The following KIRREL3 variants were observed in gnomAD, a reference collection of about 807,000 sequenced individuals.
The protein encoded by KIRREL3 is kirre like nephrin family adhesion molecule 3.
A neutral mutation model predicts 89.7 loss-of-function variants in KIRREL3; 36 were observed. That is an observed-to-expected ratio of 0.40 (90% CI 0.31 to 0.53). The LOEUF is 0.53. Among genes scored for constraint, KIRREL3 ranks in the 20% least tolerant of loss-of-function variants. The pLI is 0.49. For missense variants in KIRREL3, 864 were observed against 1,056.6 expected (o/e 0.82, Z 2.53); for synonymous variants, 445 against 441.4 (o/e 1.01, Z -0.10).
chr11:126,906,287 C>A lies in KIRREL3; in HGVS notation c.55+94168G>T, dbSNP rs1046497035. 5.3e-5 allele frequency among the ~76,000 whole-genome samples: 8 copies of A among 152,156 alleles called. No homozygotes were observed. Among genetic ancestry groups the A allele is most frequent in the East Asian group, 1.9e-4 (1 of 5,196 alleles). On this transcript the variant is annotated intron_variant, in intron 1 of 16. Coordinates refer to ENST00000525144, the MANE Select transcript of KIRREL3 (RefSeq NM_032531.4). The surrounding 1 kb of genome is among the most constrained non-coding windows in gnomAD (Gnocchi z 4.1). The stretch of plus-strand genomic sequence containing the variant: ...CAGTCTCGGAAATCCAAACCTCACG[C>A]CTTGTGTGACTGATGAGCCACTTTT...
chr11:126,923,168 TTCTTCTTC>T (rs1246187580), intron 1 of KIRREL3, among the ~76,000 whole-genome samples: 361 of 24,050 alleles, frequency 0.015, 86 homozygotes, highest in Middle Eastern at 0.083. Context: ...CTTCTTCTTC[TTCTTCTTC>T]TCTTCTTCTT....
At chr11:126,675,565 G>C (rs1238427523) in intron 1 of KIRREL3, among the ~76,000 whole-genome samples, 1 of 152,196 alleles carries the variant, frequency 6.6e-6, no homozygotes, top group Non-Finnish European at 1.5e-5. Flanking sequence ...GGATCTGGGG[G>C]TGGTGGAGAC....
rs186749628 is a variant in KIRREL3, at chr11:126,741,142, G to A, written c.56-178230C>T. 2.7e-4 allele frequency among the ~76,000 whole-genome samples: 41 copies of A among 152,254 alleles called. 2 individuals are homozygous for A. The highest frequency in any genetic ancestry group is 2.5e-3 in the Admixed American group (39 of 15,298). Reference sequence around the variant, plus strand: ...CAGACTCTCCTTTCCTATGCAGAGGGCTCTTGTCACTTTGTTAATTTCTTT... The same window carrying A: ...CAGACTCTCCTTTCCTATGCAGAGGACTCTTGTCACTTTGTTAATTTCTTT... On this transcript the variant is annotated intron_variant, in intron 1 of 16. Transcript: ENST00000525144.
rs1401108023 is a variant in KIRREL3 at position 126,773,882 on chromosome 11, C to G, written c.56-210970G>C. Among the ~76,000 whole-genome samples the G allele has an allele frequency of 6.6e-6, 1 of 152,190 alleles. No individual in the cohort carries two copies. On this transcript the variant is annotated intron_variant, in intron 1 of 16. Coordinates refer to ENST00000525144, the MANE Select transcript of KIRREL3 (RefSeq NM_032531.4). The surrounding 1 kb of genome is among the most constrained non-coding windows in gnomAD (Gnocchi z 4.2). ...CTGGGACTTTTAAAAGTGCAAACAG[C>G]AGAACACACCCCAGGGAGGTGAGGA...
chr11:126,718,885 C>T (rs1948067181), intron 1 of KIRREL3, among the ~76,000 whole-genome samples: 1 of 152,308 alleles, frequency 6.6e-6, no homozygotes, highest in African/African-American at 2.4e-5. Context: ...CCAAGCCCTC[C>T]TCTCTGATGC....
intron 1 of KIRREL3, among the ~76,000 whole-genome samples, chr11:126,928,780 G>A (rs1412048857): frequency 6.6e-6 from 1 of 152,112 alleles, no homozygotes; most frequent in Non-Finnish European, 1.5e-5. Context: ...TTGGTTTGGA[G>A]GCAGAAGAGG....
intron 1 of KIRREL3, among the ~76,000 whole-genome samples, chr11:126,784,154 C>T (rs1467285948): frequency 6.6e-6 from 1 of 152,156 alleles, no homozygotes; most frequent in African/African-American, 2.4e-5. Context: ...AATGTGGTAT[C>T]CTGGATGAGC....
At chr11:126,445,247 G>C in intron 9 of KIRREL3, 142 bp from the exon 10 acceptor site, 1 of 1,075,610 alleles carries the variant, frequency 9.3e-7, no homozygotes, top group South Asian at 1.5e-5. Context: ...GGGGAGGAAA[G>C]AGGCCAAAAG....
At position 126,666,951 on chromosome 11, in the gene KIRREL3, G is replaced by T. The variant is rs1305744648; in HGVS notation, c.56-104039C>A. 2.0e-5 allele frequency among the ~76,000 whole-genome samples: 3 copies of T among 152,218 alleles called. No homozygotes were observed. The highest frequency in any genetic ancestry group is 7.2e-5 in the African/African-American group (3 of 41,464). On this transcript the variant is annotated intron_variant, in intron 1 of 16. Coordinates refer to ENST00000525144, the MANE Select transcript of KIRREL3 (RefSeq NM_032531.4). The surrounding 1 kb of genome is among the most constrained non-coding windows in gnomAD (Gnocchi z 4.2). ...GCATTTCCTAGTCCTACAAGATTCA[G>T]ATCCCTGATGTGGAGCCAAGGAAAG...
At chr11:126,631,715 C>A (rs567495669) in intron 1 of KIRREL3, among the ~76,000 whole-genome samples, 1 of 152,324 alleles carries the variant, frequency 6.6e-6, no homozygotes, top group East Asian at 1.9e-4. Context: ...CACTTTGTAG[C>A]TTTCAAAGCA....
At chr11:126,691,109 C>A (rs983415917) in intron 1 of KIRREL3, among the ~76,000 whole-genome samples, 6 of 152,168 alleles carry the variant, frequency 3.9e-5, no homozygotes, top group Admixed American at 3.9e-4. Flanking sequence ...CAATCTCACC[C>A]ACTCGGCTGT....
intron 1 of KIRREL3, among the ~76,000 whole-genome samples, chr11:126,765,691 C>A (rs996365913): frequency 2.0e-5 from 3 of 152,202 alleles, no homozygotes; most frequent in African/African-American, 7.2e-5. Context: ...GGGAGTCAGG[C>A]AGTTTTCGGG....
intron 1 of KIRREL3, among the ~76,000 whole-genome samples, chr11:126,727,940 A>G (rs887005323): frequency 4.0e-5 from 6 of 151,836 alleles, no homozygotes; most frequent in Non-Finnish European, 8.8e-5. Flanking sequence ...ACCCGGAGGG[A>G]AGGAATTGGC....
intron 1 of KIRREL3, among the ~76,000 whole-genome samples, chr11:126,852,273 C>T (rs1041058303): frequency 7.9e-5 from 12 of 152,002 alleles, no homozygotes; most frequent in African/African-American, 2.4e-4. Context: ...AGGATGGTCT[C>T]GATCTTTCGA....
At chr11:126,857,020 A>C (rs1944541917) in intron 1 of KIRREL3, among the ~76,000 whole-genome samples, 1 of 152,214 alleles carries the variant, frequency 6.6e-6, no homozygotes, top group African/African-American at 2.4e-5. Context: ...CTGAAGGTTT[A>C]TGAGAAAGAA....
intron 1 of KIRREL3, among the ~76,000 whole-genome samples, chr11:126,674,121 C>A (rs1339765136): frequency 6.6e-6 from 1 of 152,228 alleles, no homozygotes; most frequent in African/African-American, 2.4e-5. Flanking sequence ...CGTTGGAAAC[C>A]ATTTGGCTCT....
At chr11:126,956,088 C>T (rs999029104) in intron 1 of KIRREL3, among the ~76,000 whole-genome samples, 3 of 152,310 alleles carry the variant, frequency 2.0e-5, no homozygotes, top group East Asian at 3.9e-4. Context: ...GTCCTGCATC[C>T]CATTCCTACC....
At chr11:126,907,892 C>T (rs1946650807) in intron 1 of KIRREL3, among the ~76,000 whole-genome samples, 2 of 152,158 alleles carry the variant, frequency 1.3e-5, no homozygotes, top group East Asian at 1.9e-4. Flanking sequence ...CATCTGCTCA[C>T]CCTCTGCCTG....
At chr11:126,893,352 C>T (rs1592296482) in intron 1 of KIRREL3, among the ~76,000 whole-genome samples, 3 of 152,316 alleles carry the variant, frequency 2.0e-5, no homozygotes, top group African/African-American at 7.2e-5. Flanking sequence ...ATGTGTCCTT[C>T]TAAACTTAAG....
Sources: allele counts gnomAD v4.1 joint callset (sites outside exome capture counted in the v4.1 genomes callset), GRCh38; gene constraint gnomAD v4.1.1; non-coding constraint Gnocchi (gnomAD v3.1); transcripts MANE v1.5; gene names NCBI Gene and HGNC (gene_info 2026-07-23, HGNC 2026-07-21).